The following LAMC1 variants were observed in gnomAD, a reference collection of about 807,000 sequenced individuals.
LAMC1 encodes the protein laminin subunit gamma-1.
A neutral mutation model predicts 173.6 loss-of-function variants in LAMC1; 38 were observed. The ratio of observed to expected loss-of-function variants is 0.22; its 90% CI spans 0.17 to 0.29. The LOEUF is 0.29. LAMC1 is among the 10% of genes least tolerant of loss of function. The probability of loss-of-function intolerance (pLI) is 1.00; values close to 1 mark genes in which losing one functional copy is unlikely to be tolerated. For missense variants in LAMC1, 1,824 were observed against 2,051.8 expected (o/e 0.89, Z 2.14); for synonymous variants, 746 against 749.1 (o/e 1.00, Z 0.07).
At chr1:183,123,441 A>G (rs1463191958) in intron 13 of LAMC1, among the ~76,000 whole-genome samples, 2 of 152,188 alleles carry the variant, frequency 1.3e-5, no homozygotes, top group African/African-American at 4.8e-5. Flanking sequence ...TAGCTTCTTG[A>G]TACACTAAAA....
At chr1:183,086,267 A>G (rs181984224) in intron 1 of LAMC1, among the ~76,000 whole-genome samples, 104 of 152,336 alleles carry the variant, frequency 6.8e-4, no homozygotes, top group African/African-American at 2.4e-3. Context: ...TAATCCTCCT[A>G]CATGCATAAG....
chr1:183,081,917 C>T (rs534964437), intron 1 of LAMC1, among the ~76,000 whole-genome samples: 1 of 152,302 alleles, frequency 6.6e-6, no homozygotes, highest in South Asian at 2.1e-4. Context: ...TTCTCTCCTC[C>T]CCCACCTCCA....
At chr1:183,132,952 C>G (rs1303459114) in intron 21 of LAMC1, among the ~76,000 whole-genome samples, 1 of 152,028 alleles carries the variant, frequency 6.6e-6, no homozygotes, top group Non-Finnish European at 1.5e-5. Context: ...CTCTTGTCCC[C>G]CAGGCTAAAG....
Position 183,114,662 on chromosome 1 carries a change from A to G in LAMC1, c.1153A>G (p.Asn385Asp), listed in dbSNP as rs1656267232. ...DGAHCERCRE[N>D]FFRLGNNEAC... ...CGCCCACTGTGAGAGGTGCCGAGAGAACTTCTTCCGCCTTGGCAACAATGA... is the reference window on the plus strand; with the variant it reads ...CGCCCACTGTGAGAGGTGCCGAGAGGACTTCTTCCGCCTTGGCAACAATGA... Residue 385 changes from asparagine (N) to aspartate (D), a missense_variant, in exon 5 of 28, where the codon AAC becomes GAC. Coordinates refer to ENST00000258341, the MANE Select transcript of LAMC1 (RefSeq NM_002293.4). 6.2e-7 allele frequency: 1 copy of G among 1,614,032 alleles called. No homozygotes were observed. The highest frequency in any genetic ancestry group is 1.7e-5 in the Admixed American group (1 of 60,008).
intron 5 of LAMC1, among the ~76,000 whole-genome samples, 156 bp downstream of exon 5, chr1:183,114,875 C>G (rs1356306056): frequency 6.6e-6 from 1 of 152,212 alleles, no homozygotes; most frequent in Non-Finnish European, 1.5e-5. Context: ...TACCCCATGC[C>G]TCCACCTTTT....
At chr1:183,044,437 G>A (rs984539101) in intron 1 of LAMC1, among the ~76,000 whole-genome samples, 19 of 152,202 alleles carry the variant, frequency 1.2e-4, no homozygotes, top group Admixed American at 3.3e-4. Context: ...CGTGGGAACC[G>A]TGTTTTAAAC....
At chr1:183,115,020 T>G (rs1303464303) in intron 5 of LAMC1, among the ~76,000 whole-genome samples, 1 of 152,232 alleles carries the variant, frequency 6.6e-6, no homozygotes, top group Non-Finnish European at 1.5e-5. Flanking sequence ...TTAACTGCTT[T>G]GTGAGTTCTT....
chr1:183,023,846 G>T lies in LAMC1; in HGVS notation c.130G>T (p.Gly44Cys). Residue 44 changes from glycine to cysteine, a missense_variant, in exon 1 of 28, where the codon GGC (glycine) becomes TGC (cysteine). By Grantham distance (159) the Gly-to-Cys change is radical (BLOSUM62 -3). Transcript: ENST00000258341. ...AGCCATGGACGAGTGCACGGACGAGGGCGGGCGGCCGCAGCGCTGCATGCC... is the reference window on the plus strand; with the variant it reads ...AGCCATGGACGAGTGCACGGACGAGTGCGGGCGGCCGCAGCGCTGCATGCC... ...QAAMDECTDE[G>C]GRPQRCMPEF... 1.2e-6 allele frequency: 2 copies of T among 1,607,082 alleles called. No individual in the cohort carries two copies. Among genetic ancestry groups the T allele is most frequent in the Non-Finnish European group, 1.7e-6 (2 of 1,176,620 alleles).
At chr1:183,029,154 G>A (rs1571396801) in intron 1 of LAMC1, among the ~76,000 whole-genome samples, 2 of 152,166 alleles carry the variant, frequency 1.3e-5, no homozygotes, top group East Asian at 3.9e-4. Context: ...TCGGTTCTGG[G>A]TAGCTATAAC....
intron 1 of LAMC1, among the ~76,000 whole-genome samples, chr1:183,082,640 G>A (rs1394669695): frequency 2.0e-5 from 3 of 152,154 alleles, no homozygotes; most frequent in Non-Finnish European, 2.9e-5. Context: ...AATCACTGCT[G>A]GAAATGGAGT....
Position 183,142,568 on chromosome 1 carries a change from C to T in LAMC1, c.4608C>T (p.Asn1536=), listed in dbSNP as rs370474487. The part of the protein sequence containing the change: ...QLDTVDLNKL[N]EIEGTLNKAK... ...ATACAGTGGACCTGAATAAGCTAAA[C>T]GAGATTGAAGGCACCCTAAACAAAG... Residue 1536 remains asparagine (N), a synonymous_variant, in exon 28 of 28, where the codon AAC becomes AAT. Coordinates refer to ENST00000258341, the MANE Select transcript of LAMC1 (RefSeq NM_002293.4). 130 of 1,613,488 alleles carry T rather than the reference C, an allele frequency of 8.1e-5. No individual in the cohort carries two copies. Among genetic ancestry groups the T allele is most frequent in the Non-Finnish European group, 7.3e-5 (86 of 1,179,804 alleles).
chr1:183,095,444 A>G (rs1388427832), intron 1 of LAMC1, among the ~76,000 whole-genome samples: 2 of 152,174 alleles, frequency 1.3e-5, no homozygotes, highest in Non-Finnish European at 2.9e-5. Flanking sequence ...CCACACAATT[A>G]TGGTGTCTTT....
intron 27 of LAMC1, among the ~76,000 whole-genome samples, 167 bp from the exon 28 acceptor site, chr1:183,142,367 T>G (rs1177042157): frequency 6.6e-6 from 1 of 152,210 alleles, no homozygotes; most frequent in Non-Finnish European, 1.5e-5. Flanking sequence ...GTACTTGGTT[T>G]GCATATTTTA....
chr1:183,063,947 T>C (rs1654802098), intron 1 of LAMC1, among the ~76,000 whole-genome samples: 1 of 152,254 alleles, frequency 6.6e-6, no homozygotes, highest in Non-Finnish European at 1.5e-5. Flanking sequence ...TTCTGTGTTA[T>C]GATAATTTAC....
At chr1:183,040,528 G>C (rs567470213) in intron 1 of LAMC1, among the ~76,000 whole-genome samples, 5 of 152,078 alleles carry the variant, frequency 3.3e-5, no homozygotes, top group Non-Finnish European at 7.4e-5. Flanking sequence ...TAAAAATCAG[G>C]GTATTAAATC....
intron 1 of LAMC1, among the ~76,000 whole-genome samples, chr1:183,054,061 A>T (rs1383932574): frequency 6.6e-6 from 1 of 152,200 alleles, no homozygotes; most frequent in Non-Finnish European, 1.5e-5. Context: ...AGTACTGCCT[A>T]TTGAGGTGGG....
intron 1 of LAMC1, among the ~76,000 whole-genome samples, chr1:183,055,147 C>G (rs1017131999): frequency 3.3e-5 from 5 of 152,034 alleles, no homozygotes; most frequent in African/African-American, 1.2e-4. Context: ...TGCCACCGCG[C>G]CTGGCTAATT....
intron 1 of LAMC1, among the ~76,000 whole-genome samples, chr1:183,044,767 A>G (rs1654222993): frequency 1.3e-5 from 2 of 152,106 alleles, no homozygotes; most frequent in South Asian, 2.1e-4. Context: ...ACCAACCACA[A>G]AATTGTTTCT....
At position 183,110,563 on chromosome 1, in the gene LAMC1, C is replaced by A. The variant is rs1408521718; in HGVS notation, c.930C>A (p.Asn310Lys). The A allele has an allele frequency of 1.1e-5, 18 of 1,613,798 alleles. No homozygotes were observed. The highest frequency in any genetic ancestry group is 1.3e-5 in the Non-Finnish European group (15 of 1,179,882). The change falls in exon 4 of 28, where the codon AAC becomes AAA. Residue 310 changes from asparagine (N) to lysine (K), a missense_variant. By Grantham distance (94) the Asn-to-Lys change is moderately conservative (BLOSUM62 0). Coordinates refer to ENST00000258341, the MANE Select transcript of LAMC1 (RefSeq NM_002293.4). ...AGCTGGTGTGTAATTGCAAACATAA[C>A]ACATATGGAGTAGACTGTGAAAAGT... is the stretch of plus-strand genomic sequence containing the variant. The part of the protein sequence containing the change: ...FDKLVCNCKH[N>K]TYGVDCEKCL...
Sources: allele counts gnomAD v4.1 joint callset (sites outside exome capture counted in the v4.1 genomes callset), GRCh38; gene constraint gnomAD v4.1.1; transcripts MANE v1.5; gene names NCBI Gene and HGNC (gene_info 2026-07-23, HGNC 2026-07-21).